The following MKLN1 variants were observed in gnomAD, a reference collection of about 807,000 sequenced individuals.
MKLN1 encodes muskelin 1.
A neutral mutation model predicts 99.0 loss-of-function variants in MKLN1; 18 were observed. The ratio of observed to expected loss-of-function variants is 0.18; its 90% CI spans 0.13 to 0.27. The LOEUF (loss-of-function observed/expected upper bound fraction) is 0.27, where lower values mean the gene tolerates loss of function less well. Ranked by LOEUF, MKLN1 falls within the 10% of genes least tolerant of loss-of-function variation. The probability of loss-of-function intolerance (pLI) is 1.00; values close to 1 mark genes in which losing one functional copy is unlikely to be tolerated. For missense variants in MKLN1, 621 were observed against 875.9 expected (o/e 0.71, Z 3.67); for synonymous variants, 288 against 293.2 (o/e 0.98, Z 0.18).
intron 16 of MKLN1, chr7:131,472,095 T>C (rs1796836076): frequency 1.3e-5 from 2 of 152,254 alleles, no homozygotes; most frequent in Admixed American, 6.5e-5. Context: ...GAAATAATTA[T>C]AGTTTTGCCA....
chr7:131,294,197 T>C (rs2116605274), intron 3 of MKLN1, among the ~76,000 whole-genome samples: 1 of 152,342 alleles, frequency 6.6e-6, no homozygotes, highest in Middle Eastern at 3.4e-3. Context: ...GATGTTATTA[T>C]TGAATCACTG....
At chr7:131,234,962 C>T (rs1797296741) in intron 3 of MKLN1, among the ~76,000 whole-genome samples, 1 of 152,150 alleles carries the variant, frequency 6.6e-6, no homozygotes, top group Non-Finnish European at 1.5e-5. Flanking sequence ...AAACAAGATG[C>T]ATTATCTCCA....
chr7:131,262,323 G>A (rs1797744552), intron 3 of MKLN1, among the ~76,000 whole-genome samples: 1 of 151,866 alleles, frequency 6.6e-6, no homozygotes, highest in Non-Finnish European at 1.5e-5. Flanking sequence ...TGTAGTACCA[G>A]CTACTTGGGA....
chr7:131,295,747 T>C (rs1437750310), intron 3 of MKLN1, among the ~76,000 whole-genome samples: 1 of 151,836 alleles, frequency 6.6e-6, no homozygotes. Context: ...TAACTGGACA[T>C]GGTGTTACTT....
chr7:131,427,331 C>T (rs1353541893), intron 8 of MKLN1, among the ~76,000 whole-genome samples: 1 of 152,154 alleles, frequency 6.6e-6, no homozygotes, highest in South Asian at 2.1e-4. Flanking sequence ...CTAGCATTTC[C>T]AAGTACACTT....
chr7:131,478,556 ATTT>A, intron 16 of MKLN1, 64 bp from the exon 17 acceptor site: 1 of 1,402,858 alleles, frequency 7.1e-7, no homozygotes, highest in Non-Finnish European at 9.2e-7. Context: ...ATAGAAGGCT[ATTT>A]TCCTTCAGTG....
chr7:131,325,543 A>T (rs1450419599), upstream of MKLN1, among the ~76,000 whole-genome samples: 1 of 152,108 alleles, frequency 6.6e-6, no homozygotes, highest in Non-Finnish European at 1.5e-5. Flanking sequence ...AAAAAAATTT[A>T]AAAAGTAGCT....
In MKLN1 at chr7:131,494,299, A is replaced by G. The variant is rs1797494922; in HGVS notation, c.*6571A>G. On this transcript the variant is annotated 3_prime_UTR_variant, in exon 18 of 18. Coordinates refer to ENST00000352689, the MANE Select transcript of MKLN1 (RefSeq NM_013255.5). Reference sequence around the variant, plus strand: ...TGATTAAATTAGAGGAGGCGTGTAGAATAAATCCCAATCCCATTGCAACTG... The same window carrying G: ...TGATTAAATTAGAGGAGGCGTGTAGGATAAATCCCAATCCCATTGCAACTG... The G allele has an allele frequency of 2.0e-5, 3 of 152,214 alleles. No homozygotes were observed. The highest frequency in any genetic ancestry group is 6.5e-5 in the Admixed American group (1 of 15,276). The allele number at this position is 152,214 out of a possible 1,614,324, so 9.4% of individuals were successfully genotyped here.
At position 131,411,367 on chromosome 7, in the gene MKLN1, T is replaced by A. The variant is rs1794869588; in HGVS notation, c.765T>A (p.Ile255=). Residue 255 remains isoleucine, a synonymous_variant, in exon 7 of 18, where the codon ATT becomes ATA. Transcript: ENST00000352689. ...ATAAGCCACGATGGAGTCAAATCAT[T>A]CCCAAAAGTACCAAAGGTAAGCCAT... The part of the protein sequence containing the change: ...QEYKPRWSQI[I]PKSTKGDGED... The A allele has an allele frequency of 1.9e-6, 3 of 1,609,242 alleles. No individual in the cohort carries two copies. The East Asian group carries it at 6.7e-5, about 36-fold the overall frequency.
At chr7:131,327,859 C>G (rs1273738005), upstream of MKLN1, 1 of 1,603,322 alleles carries the variant, frequency 6.2e-7, no homozygotes, top group African/African-American at 1.3e-5. Flanking sequence ...TCCTCCCGTT[C>G]GCTGCCAGCG....
chr7:131,496,400 C>T lies in MKLN1; in HGVS notation c.*8672C>T, dbSNP rs1397110744. 1.3e-5 allele frequency: 2 copies of T among 151,996 alleles called. 1 individual carries two copies. Among genetic ancestry groups the T allele is most frequent in the Non-Finnish European group, 2.9e-5 (2 of 68,036 alleles). The allele number at this position is 151,996 out of a possible 1,614,324, so 9.4% of individuals were successfully genotyped here. Reference sequence around the variant, plus strand: ...CAATCTTCCCCATTCCCCTCATGATCTCTGGCTTATCTTTTATCCAATCTG... The same window carrying T: ...CAATCTTCCCCATTCCCCTCATGATTTCTGGCTTATCTTTTATCCAATCTG... On this transcript the variant is annotated 3_prime_UTR_variant, in exon 18 of 18. Coordinates refer to ENST00000352689, the MANE Select transcript of MKLN1 (RefSeq NM_013255.5).
intron 2 of MKLN1, among the ~76,000 whole-genome samples, chr7:131,151,785 T>A (rs960289161): frequency 3.9e-5 from 6 of 152,188 alleles, no homozygotes; most frequent in African/African-American, 1.4e-4. Context: ...TAAAATTTTG[T>A]TTTAAATTTA....
chr7:131,331,713 A>G (rs2116695830), intron 1 of MKLN1, among the ~76,000 whole-genome samples: 1 of 152,346 alleles, frequency 6.6e-6, no homozygotes, highest in African/African-American at 2.4e-5. Context: ...TCATTATTAT[A>G]CATGGCTATT....
intron 3 of MKLN1, among the ~76,000 whole-genome samples, chr7:131,280,084 G>A (rs940629636): frequency 2.6e-5 from 4 of 151,988 alleles, no homozygotes; most frequent in African/African-American, 7.3e-5. Flanking sequence ...TTTGAGACAG[G>A]GTTCCTTCAC....
chr7:131,376,175 T>C (rs1793655376), intron 2 of MKLN1, among the ~76,000 whole-genome samples: 1 of 139,696 alleles, frequency 7.2e-6, no homozygotes, highest in African/African-American at 2.6e-5. Flanking sequence ...GCCTACCTAT[T>C]TGGATCCCCT....
chr7:131,400,869 A>G (rs907857729), intron 6 of MKLN1, among the ~76,000 whole-genome samples: 1 of 152,114 alleles, frequency 6.6e-6, no homozygotes, highest in African/African-American at 2.4e-5. Context: ...TAGTTGCTCA[A>G]TTCTTGAAAC....
chr7:131,145,021 A>G (rs759628902), intron 2 of MKLN1, among the ~76,000 whole-genome samples: 41 of 152,204 alleles, frequency 2.7e-4, no homozygotes, highest in Non-Finnish European at 5.1e-4. Flanking sequence ...AACAACAACA[A>G]AGAGGCTGAT....
intron 2 of MKLN1, among the ~76,000 whole-genome samples, chr7:131,187,308 A>G (rs368579866): frequency 1.3e-4 from 18 of 136,304 alleles, no homozygotes; most frequent in African/African-American, 4.4e-4. Flanking sequence ...GAGGAAGTAA[A>G]TTCACTTCAT....
chr7:131,404,391 G>C (rs1489525329), intron 6 of MKLN1, among the ~76,000 whole-genome samples: 1 of 152,050 alleles, frequency 6.6e-6, no homozygotes, highest in Non-Finnish European at 1.5e-5. Flanking sequence ...GGCATGATCA[G>C]TTAACTTTAG....
Sources: gnomAD v4.1 joint callset for allele counts (sites outside exome capture counted in the v4.1 genomes callset) on GRCh38, gnomAD v4.1.1 for gene constraint, MANE v1.5 for transcripts, NCBI Gene and HGNC (gene_info 2026-07-23, HGNC 2026-07-21) for gene names.